TEDC1: variants seen among roughly 807,000 people sequenced by gnomAD.
TEDC1 encodes the protein tubulin epsilon and delta complex protein 1.
Under a neutral mutation model 59.9 loss-of-function variants are expected in TEDC1, and 54 were observed. The ratio of observed to expected loss-of-function variants is 0.90; its 90% CI spans 0.72 to 1.13. The LOEUF is 1.13. TEDC1 is among the 50% of genes most tolerant of loss of function. The probability of loss-of-function intolerance (pLI) is 0.00; values close to 1 mark genes in which losing one functional copy is unlikely to be tolerated. For synonymous variants in TEDC1, 353 were observed against 298.1 expected (o/e 1.18, Z -1.90); for missense variants, 734 against 683.4 (o/e 1.07, Z -0.83).
chr14:105,494,412 T>C, intron 5 of TEDC1: 1 of 194,022 alleles, frequency 5.2e-6, no homozygotes, highest in South Asian at 8.4e-5. Flanking sequence ...CAGGCCCACA[T>C]GGGGTGTGCT....
upstream of TEDC1, chr14:105,491,014 G>A (rs2090261729): frequency 6.5e-7 from 1 of 1,549,766 alleles, no homozygotes; most frequent in Non-Finnish European, 8.7e-7. Flanking sequence ...GTCCGCACGA[G>A]ACAGAATAGA....
At chr14:105,490,391 G>T (rs892567625), upstream of TEDC1, 3 of 152,302 alleles carry the variant, frequency 2.0e-5, no homozygotes, top group Non-Finnish European at 4.4e-5. Context: ...CGCTGCCCGG[G>T]GTCTTCACGA....
chr14:105,495,778 G>A (rs1231402616), intron 5 of TEDC1, 102 bp from the exon 6 acceptor site: 3 of 994,534 alleles, frequency 3.0e-6, no homozygotes, highest in Non-Finnish European at 4.4e-6. Context: ...ACCACCCTCT[G>A]TGGTGGGCTG....
rs1265132091 is a variant in TEDC1, at chr14:105,492,090, G to A, written c.227-17G>A. ...CCAGGTGGGTGGTCCCCCTAAGGTG[G>A]TGGTCTTCTGTCCTAGAGGTCCAAG... On this transcript the variant is annotated splice_polypyrimidine_tract_variant and intron_variant, in intron 2 of 8. Coordinates refer to ENST00000392523, the MANE Select transcript of TEDC1 (RefSeq NM_001367178.1). 3 of 1,576,974 alleles carry A rather than the reference G, an allele frequency of 1.9e-6. No individual in the cohort carries two copies. The highest frequency in any genetic ancestry group is 1.9e-5 in the Admixed American group (1 of 53,952).
At chr14:105,491,775 G>C (rs1288664789) in intron 2 of TEDC1, 75 bp downstream of exon 2, 3 of 1,439,538 alleles carry the variant, frequency 2.1e-6, no homozygotes, top group African/African-American at 1.5e-5. Context: ...GCCTTCCCCA[G>C]TAAGCCCCGC....
rs782284333 is a variant in TEDC1, at chr14:105,498,892, C to G, written c.1434C>G (p.Ala478=). ...RLQGQCRQEL[A]RLVGARPGLI... The stretch of plus-strand genomic sequence containing the variant: ...AGGGACAGTGTCGGCAGGAACTGGC[C>G]AGGCTGGTGGGAGCCCGCCCTGGTC... The change falls in exon 9 of 9, where the codon GCC becomes GCG. Residue 478 remains alanine (A), a synonymous_variant. Coordinates refer to ENST00000392523, the MANE Select transcript of TEDC1 (RefSeq NM_001367178.1). 1.2e-6 allele frequency: 2 copies of G among 1,611,800 alleles called. No homozygotes were observed. The highest frequency in any genetic ancestry group is 3.3e-5 in the Admixed American group (2 of 59,958).
Position 105,493,950 on chromosome 14 carries a change from T to G in TEDC1, c.684+17T>G. Reference sequence around the variant, plus strand: ...GGCCAGCAGGTGAGGGCGGGCAAGCTGCTGCGGGGGGGTGGGGGTGGGCTG... The same window carrying G: ...GGCCAGCAGGTGAGGGCGGGCAAGCGGCTGCGGGGGGGTGGGGGTGGGCTG... On this transcript the variant is annotated intron_variant, in intron 5 of 8. Coordinates refer to ENST00000392523, the MANE Select transcript of TEDC1 (RefSeq NM_001367178.1). The G allele has an allele frequency of 3.9e-6, 1 of 259,086 alleles. No homozygotes were observed. The highest frequency in any genetic ancestry group is 7.1e-6 in the Non-Finnish European group (1 of 141,588). The allele number at this position is 259,086 out of a possible 1,614,324, so 16.0% of individuals were successfully genotyped here.
In TEDC1 at chr14:105,497,803, G is replaced by C. The variant is rs781959850; in HGVS notation, c.984G>C (p.Thr328=). Residue 328 remains threonine (T), a synonymous_variant, in exon 8 of 9, where the codon ACG becomes ACC. Coordinates refer to ENST00000392523, the MANE Select transcript of TEDC1 (RefSeq NM_001367178.1). ...TCTCACTTGGGTCTCTGTAGGACAC[G>C]GTCCTGGGCACCTGTGCCCCGGAGG... The part of the protein sequence containing the change: ...SELVFWRWMD[T]VLGTCAPEVP... 3 of 1,558,990 alleles carry C rather than the reference G, an allele frequency of 1.9e-6. No individual in the cohort carries two copies. Among genetic ancestry groups the C allele is most frequent in the South Asian group, 1.2e-5 (1 of 83,654 alleles).
chr14:105,495,859 CATG>C lies in TEDC1; in HGVS notation c.685-20_685-18del. 6.5e-7 allele frequency: 1 copy of C among 1,532,238 alleles called. No homozygotes were observed. The highest frequency in any genetic ancestry group is 8.8e-7 in the Non-Finnish European group (1 of 1,133,556). The allele number at this position is 1,532,238 out of a possible 1,614,324, so 94.9% of individuals were successfully genotyped here. A position where few individuals can be genotyped will look rare whatever the true frequency, so the allele number is the denominator to read the frequency against. ...CGGCACTGGCCAGGTGGACTGGGGC[CATG>C]GCTGGCTTCCTTCCAAGGTTTCTGG... On this transcript the variant is annotated intron_variant, in intron 5 of 8. Coordinates refer to ENST00000392523, the MANE Select transcript of TEDC1 (RefSeq NM_001367178.1).
intron 2 of TEDC1, 24 bp from the exon 3 acceptor site, chr14:105,492,083 T>C: frequency 6.4e-7 from 1 of 1,568,140 alleles, no homozygotes; most frequent in Non-Finnish European, 8.6e-7. Flanking sequence ...GTGGTCCCCC[T>C]AAGGTGGTGG....
intron 5 of TEDC1, 72 bp from the exon 6 acceptor site, chr14:105,495,808 C>T (rs950946187): frequency 2.4e-4 from 311 of 1,273,380 alleles, no homozygotes; most frequent in Non-Finnish European, 2.7e-4. Context: ...GGAAGTGAGG[C>T]CCCGCCCTCT....
In TEDC1 at chr14:105,497,335, C is replaced by G. The variant is rs373656015; in HGVS notation, c.892-22C>G. 3.9e-6 allele frequency: 6 copies of G among 1,547,970 alleles called. No individual in the cohort carries two copies. In the African/African-American group the frequency reaches 6.8e-5, roughly 18 times the overall value. ...ATGGGGTCCCGTGTGAGGTTCTAGG[C>G]CAGCTGCCGTTTGCCTTCCAGCTGC... On this transcript the variant is annotated intron_variant, in intron 6 of 8. Transcript: ENST00000392523.
chr14:105,493,664 T>C (rs1229810501), intron 4 of TEDC1, among the ~76,000 whole-genome samples, 171 bp from the exon 5 acceptor site: 1 of 152,166 alleles, frequency 6.6e-6, no homozygotes, highest in Non-Finnish European at 1.5e-5. Flanking sequence ...ATGGTTGTTC[T>C]GCACCCAGCC....
chr14:105,499,044 ATGCAGATGC>A lies in TEDC1; in HGVS notation c.*99_*107del. On this transcript the variant is annotated 3_prime_UTR_variant, in exon 9 of 9. Transcript: ENST00000392523. The stretch of plus-strand genomic sequence containing the variant: ...CCAAGGCCAGGTGGCCGCAGGGACG[ATGCAGATGC>A]AGAGCCCACGTCACATGCTCGCTCC... 7.8e-7 allele frequency: 1 copy of A among 1,275,138 alleles called. No individual in the cohort carries two copies. The highest frequency in any genetic ancestry group is 1.1e-6 in the Non-Finnish European group (1 of 941,238). The allele number at this position is 1,275,138 out of a possible 1,614,324, so 79.0% of individuals were successfully genotyped here.
upstream of TEDC1, chr14:105,490,759 C>T (rs2084187583): frequency 4.1e-6 from 2 of 485,298 alleles, no homozygotes; most frequent in Admixed American, 3.6e-5. Flanking sequence ...CTCCTGGCGG[C>T]CCAGCCTGGA....
In TEDC1 at chr14:105,497,879, G is replaced by T. The variant is rs868920456; in HGVS notation, c.1060G>T (p.Gly354Trp). ...PTFLPWVPER[G>W]GGELDLVVRE... The stretch of plus-strand genomic sequence containing the variant: ...CTTCCTGCCCTGGGTCCCCGAGCGC[G>T]GGGGTGGCGAGTTGGACCTGGTAGT... The change falls in exon 8 of 9, where the codon GGG (glycine) becomes TGG (tryptophan). Residue 354 changes from glycine (G) to tryptophan (W), a missense_variant. By Grantham distance (184) the Gly-to-Trp change is radical. Coordinates refer to ENST00000392523, the MANE Select transcript of TEDC1 (RefSeq NM_001367178.1). 1.3e-6 allele frequency: 2 copies of T among 1,559,906 alleles called. No individual in the cohort carries two copies. The highest frequency in any genetic ancestry group is 1.7e-6 in the Non-Finnish European group (2 of 1,152,106).
In TEDC1 at chr14:105,491,267, CTG is replaced by C; in HGVS notation, c.-108_-107del. On this transcript the variant is annotated 5_prime_UTR_variant, in exon 1 of 9. Transcript: ENST00000392523. ...GCTCAGGTTCCAGCCGGAGCGGTAACTGGGCGCAGGTCCCAGCCGCCGCACTA... is the reference window on the plus strand; with the variant it reads ...GCTCAGGTTCCAGCCGGAGCGGTAACGGCGCAGGTCCCAGCCGCCGCACTA... The C allele has an allele frequency of 2.6e-6, 4 of 1,526,602 alleles. No individual in the cohort carries two copies. The highest frequency in any genetic ancestry group is 3.5e-6 in the Non-Finnish European group (4 of 1,139,500). The allele number at this position is 1,526,602 out of a possible 1,614,324, so 94.6% of individuals were successfully genotyped here. A position where few individuals can be genotyped will look rare whatever the true frequency, so the allele number is the denominator to read the frequency against.
At chr14:105,491,044 G>T, upstream of TEDC1, 2 of 1,551,224 alleles carry the variant, frequency 1.3e-6, no homozygotes, top group South Asian at 1.2e-5. Flanking sequence ...AACTCCAGGG[G>T]AACCGTTCAT....
rs142782649 is a variant in TEDC1, at chr14:105,498,831, A to G, written c.1373A>G (p.Gln458Arg). The G allele has an allele frequency of 3.4e-4, 552 of 1,607,978 alleles. 4 individuals are homozygous for G. Among genetic ancestry groups the G allele is most frequent in the South Asian group, 9.7e-4 (87 of 89,730 alleles). Residue 458 changes from glutamine to arginine, a missense_variant, in exon 9 of 9, where the codon CAG becomes CGG. Transcript: ENST00000392523. ...GTGGTGATCAGGACGCTGAGGAGCC[A>G]GGAGGCCTGCCTGGAGGCGGTGCTA... is the stretch of plus-strand genomic sequence containing the variant. ...AAVVIRTLRS[Q>R]EACLEAVLRR...
Sources: gnomAD v4.1 joint callset for allele counts (sites outside exome capture counted in the v4.1 genomes callset) on GRCh38, gnomAD v4.1.1 for gene constraint, MANE v1.5 for transcripts, NCBI Gene and HGNC (gene_info 2026-07-23, HGNC 2026-07-21) for gene names.